The following DTNA variants were observed in gnomAD, a reference collection of about 807,000 sequenced individuals.
DTNA encodes dystrobrevin alpha, also known as dystrophin-related protein 3.
Under a neutral mutation model 100.7 loss-of-function variants are expected in DTNA, and 43 were observed. The ratio of observed to expected loss-of-function variants is 0.43; its 90% CI spans 0.33 to 0.55. The LOEUF is 0.55. Ranked by LOEUF, DTNA falls within the 20% of genes least tolerant of loss-of-function variation. The pLI is 0.04. For synonymous variants in DTNA, 349 were observed against 347.9 expected (o/e 1.00, Z -0.04); for missense variants, 798 against 953.9 (o/e 0.84, Z 2.15).
At chr18:34,675,454 T>A (rs2077288378) in intron 1 of DTNA, among the ~76,000 whole-genome samples, 1 of 152,076 alleles carries the variant, frequency 6.6e-6, no homozygotes, top group African/African-American at 2.4e-5. Context: ...ATTTTTAGGG[T>A]GAATAAAATA....
intron 10 of DTNA, among the ~76,000 whole-genome samples, chr18:34,827,959 C>G (rs898117488): frequency 1.3e-5 from 2 of 152,022 alleles, no homozygotes; most frequent in Admixed American, 6.6e-5. Flanking sequence ...CACATGCATC[C>G]CATCTCATTA....
At chr18:34,504,370 T>G (rs1158546949) in intron 1 of DTNA, among the ~76,000 whole-genome samples, 1 of 152,216 alleles carries the variant, frequency 6.6e-6, no homozygotes, top group Non-Finnish European at 1.5e-5. Flanking sequence ...GTTATAATTT[T>G]TGCTTCAACA....
intron 1 of DTNA, among the ~76,000 whole-genome samples, chr18:34,584,811 AGAAG>A (rs1367986191): frequency 1.3e-5 from 2 of 152,020 alleles, no homozygotes; most frequent in Non-Finnish European, 2.9e-5. Context: ...TTCAGAGAGA[AGAAG>A]GAGGGAGGGA....
chr18:34,622,116 A>T (rs2056608341), intron 1 of DTNA, among the ~76,000 whole-genome samples: 1 of 152,196 alleles, frequency 6.6e-6, no homozygotes, highest in Admixed American at 6.5e-5. Flanking sequence ...ATACTTGAAA[A>T]TTGCTAAGAG....
At chr18:34,656,557 T>C (rs1365695435) in intron 1 of DTNA, among the ~76,000 whole-genome samples, 1 of 152,304 alleles carries the variant, frequency 6.6e-6, no homozygotes, top group South Asian at 2.1e-4. Context: ...TACTTTCATA[T>C]TGAAGTTCTC....
chr18:34,652,310 A>G (rs1214058174), intron 1 of DTNA, among the ~76,000 whole-genome samples: 1 of 152,074 alleles, frequency 6.6e-6, no homozygotes, highest in East Asian at 1.9e-4. Flanking sequence ...ATTCAGCATG[A>G]GCTCAGAACT....
chr18:34,826,529 T>C (rs1409291933), intron 9 of DTNA, among the ~76,000 whole-genome samples: 1 of 152,206 alleles, frequency 6.6e-6, no homozygotes, highest in Non-Finnish European at 1.5e-5. Context: ...AAAGCTGTTC[T>C]CTAAGGTAAA....
intron 1 of DTNA, among the ~76,000 whole-genome samples, chr18:34,556,037 T>C (rs937176329): frequency 7.3e-5 from 11 of 151,118 alleles, no homozygotes; most frequent in African/African-American, 2.7e-4. Flanking sequence ...GGACTTGCTT[T>C]ATGAATCTGG....
chr18:34,735,573 A>T (rs1022909501), intron 1 of DTNA, among the ~76,000 whole-genome samples: 1 of 152,130 alleles, frequency 6.6e-6, no homozygotes, highest in Non-Finnish European at 1.5e-5. Context: ...CCATTAGTTC[A>T]TGTGGCTCTT....
intron 1 of DTNA, among the ~76,000 whole-genome samples, chr18:34,555,291 G>T (rs542268721): frequency 6.8e-6 from 1 of 147,794 alleles, no homozygotes; most frequent in Non-Finnish European, 1.5e-5. Context: ...TCTTGCTAGC[G>T]GTCTATCAGT....
intron 4 of DTNA, among the ~76,000 whole-genome samples, chr18:34,802,187 AG>A (rs1330894951): frequency 6.6e-6 from 1 of 152,336 alleles, no homozygotes; most frequent in East Asian, 1.9e-4. Context: ...TTTGGCCTGA[AG>A]TTTTAGGGAA....
At chr18:34,782,277 G>A (rs941945454) in intron 3 of DTNA, among the ~76,000 whole-genome samples, 8 of 152,288 alleles carry the variant, frequency 5.3e-5, no homozygotes, top group Middle Eastern at 6.8e-3. Flanking sequence ...TAGTTCTGTG[G>A]TTTTTAAGTT....
chr18:34,730,076 G>A (rs2087725041), intron 1 of DTNA, among the ~76,000 whole-genome samples: 1 of 152,130 alleles, frequency 6.6e-6, no homozygotes. Context: ...AGGACATTGT[G>A]TCCCCAGTTT....
intron 1 of DTNA, among the ~76,000 whole-genome samples, chr18:34,506,573 G>GT (rs1261788900): frequency 2.0e-5 from 3 of 152,224 alleles, no homozygotes; most frequent in Non-Finnish European, 2.9e-5. Context: ...GCCTAAATTT[G>GT]TTTTTTTATC....
At chr18:34,805,777 TTC>T (rs2095345195) in intron 4 of DTNA, among the ~76,000 whole-genome samples, 1 of 136,804 alleles carries the variant, frequency 7.3e-6, no homozygotes, top group African/African-American at 2.8e-5. Context: ...AATTCAGAAA[TTC>T]TCTGACAAAA....
chr18:34,792,342 A>G (rs2094785704), intron 3 of DTNA, among the ~76,000 whole-genome samples: 2 of 152,184 alleles, frequency 1.3e-5, no homozygotes, highest in Admixed American at 1.3e-4. Flanking sequence ...CTCATTTGTT[A>G]TTATAATGGA....
intron 13 of DTNA, among the ~76,000 whole-genome samples, chr18:34,841,524 A>G (rs980946606): frequency 1.3e-5 from 2 of 152,186 alleles, no homozygotes; most frequent in African/African-American, 4.8e-5. Context: ...TCTTATTACA[A>G]CAGCTGGAGT....
intron 5 of DTNA, among the ~76,000 whole-genome samples, chr18:34,808,326 G>T (rs943722474): frequency 6.6e-6 from 1 of 152,166 alleles, no homozygotes; most frequent in African/African-American, 2.4e-5. Flanking sequence ...AGGGAGGGGG[G>T]CTTGGTGGAG....
chr18:34,876,840 AT>A (rs2096823703), intron 18 of DTNA, among the ~76,000 whole-genome samples: 3 of 152,184 alleles, frequency 2.0e-5, no homozygotes, highest in South Asian at 2.1e-4. Context: ...TAGAAAGAAA[AT>A]ATCCCTTCTC....
Sources: gnomAD v4.1 joint callset for allele counts (sites outside exome capture counted in the v4.1 genomes callset) on GRCh38, gnomAD v4.1.1 for gene constraint, MANE v1.5 for transcripts, NCBI Gene and HGNC (gene_info 2026-07-23, HGNC 2026-07-21) for gene names.